FBXL17: variants seen among roughly 807,000 people sequenced by gnomAD.
FBXL17 encodes the protein F-box and leucine rich repeat protein 17.
In FBXL17, 22 loss-of-function variants were observed where a neutral mutation model predicts 66.2. The observed-to-expected ratio is 0.33, with a 90% CI of 0.24 to 0.47. The LOEUF (loss-of-function observed/expected upper bound fraction) is 0.47, where lower values mean the gene tolerates loss of function less well. FBXL17 is among the 20% of genes least tolerant of loss of function. The pLI, the probability that FBXL17 is intolerant of heterozygous loss-of-function variation, is 1.00. For missense variants in FBXL17, 878 were observed against 948.2 expected, an observed-to-expected ratio of 0.93 and a Z score of 0.97; for synonymous variants, 474 against 400.5, an observed-to-expected ratio of 1.18 and a Z score of -2.19.
chr5:108,229,044 C>T (rs962829989), intron 4 of FBXL17, among the ~76,000 whole-genome samples: 2 of 152,118 alleles, frequency 1.3e-5, no homozygotes, highest in East Asian at 1.9e-4. Context: ...GCAGCACTGA[C>T]GTCACTTTGG....
At chr5:107,871,472 T>A (rs1237113614) in intron 8 of FBXL17, among the ~76,000 whole-genome samples, 1 of 151,926 alleles carries the variant, frequency 6.6e-6, no homozygotes, top group Non-Finnish European at 1.5e-5. Flanking sequence ...GAGAGAAAAA[T>A]TAGTGACATT....
intron 6 of FBXL17, among the ~76,000 whole-genome samples, chr5:108,160,050 T>C (rs1233749911): frequency 6.6e-6 from 1 of 152,170 alleles, no homozygotes; most frequent in Admixed American, 6.5e-5. Flanking sequence ...CTCAACAGAT[T>C]ATTTTGCTTT....
intron 6 of FBXL17, among the ~76,000 whole-genome samples, chr5:108,107,531 G>C (rs971360191): frequency 6.6e-6 from 1 of 151,852 alleles, no homozygotes; most frequent in Non-Finnish European, 1.5e-5. Flanking sequence ...GAGAAATCTC[G>C]GCCAGGCACG....
At position 108,208,310 on chromosome 5, in the gene FBXL17, G is replaced by A. The variant is rs183873941; in HGVS notation, c.1614+15811C>T. On this transcript the variant is annotated intron_variant, in intron 5 of 8. Coordinates refer to ENST00000542267, the MANE Select transcript of FBXL17 (RefSeq NM_001163315.3). The stretch of plus-strand genomic sequence containing the variant: ...TCTTTCACTGTGCAGAAGCTCTTTA[G>A]TTTAATTAAATCCCATTTGTCTATT... 5.0e-3 allele frequency among the ~76,000 whole-genome samples: 768 copies of A among 152,278 alleles called. 4 individuals carry two copies. The highest frequency in any genetic ancestry group is 0.016 in the South Asian group (78 of 4,824).
intron 4 of FBXL17, among the ~76,000 whole-genome samples, chr5:108,247,785 A>G (rs1455635968): frequency 2.6e-5 from 4 of 152,172 alleles, no homozygotes; most frequent in African/African-American, 9.7e-5. Context: ...CATCTACATG[A>G]TACTTGTGAG....
intron 5 of FBXL17, among the ~76,000 whole-genome samples, chr5:108,197,325 G>C (rs890471919): frequency 6.6e-6 from 1 of 152,118 alleles, no homozygotes; most frequent in East Asian, 1.9e-4. Flanking sequence ...GGTAAATTAA[G>C]TCAAATGTGA....
chr5:108,043,835 C>T (rs1747142219), intron 6 of FBXL17, among the ~76,000 whole-genome samples: 1 of 152,160 alleles, frequency 6.6e-6, no homozygotes, highest in South Asian at 2.1e-4. Context: ...GGCTTCCAAT[C>T]CATCAGCAAA....
At chr5:108,319,898 A>T (rs1385731162) in intron 4 of FBXL17, among the ~76,000 whole-genome samples, 2 of 151,784 alleles carry the variant, frequency 1.3e-5, no homozygotes, top group African/African-American at 4.8e-5. Flanking sequence ...AAATAAACTT[A>T]TCAAAATATG....
chr5:107,994,135 A>G (rs1263767975), intron 7 of FBXL17, among the ~76,000 whole-genome samples: 1 of 152,190 alleles, frequency 6.6e-6, no homozygotes, highest in Admixed American at 6.5e-5. Context: ...ATACATATTG[A>G]TTCATAAAGC....
chr5:108,092,711 C>A (rs1043644602), intron 6 of FBXL17, among the ~76,000 whole-genome samples: 1 of 152,024 alleles, frequency 6.6e-6, no homozygotes, highest in African/African-American at 2.4e-5. Flanking sequence ...ATGCTTTCCC[C>A]AAAATGAGAA....
intron 6 of FBXL17, among the ~76,000 whole-genome samples, chr5:108,132,771 T>C (rs1393914208): frequency 6.6e-6 from 1 of 152,146 alleles, no homozygotes; most frequent in Non-Finnish European, 1.5e-5. Flanking sequence ...CAAAGAAGTA[T>C]CTGATTTCCC....
At chr5:108,047,921 C>T (rs1218748717) in intron 6 of FBXL17, among the ~76,000 whole-genome samples, 1 of 152,212 alleles carries the variant, frequency 6.6e-6, no homozygotes, top group Non-Finnish European at 1.5e-5. Context: ...CAGCGAAGCA[C>T]ACCCCTCCAC....
chr5:108,378,667 A>T (rs1749619586), intron 1 of FBXL17, among the ~76,000 whole-genome samples: 1 of 152,202 alleles, frequency 6.6e-6, no homozygotes. Context: ...GACATTCCTT[A>T]GAAATATCTC....
At chr5:107,924,456 A>T (rs900426220) in intron 7 of FBXL17, among the ~76,000 whole-genome samples, 1 of 152,180 alleles carries the variant, frequency 6.6e-6, no homozygotes, top group Non-Finnish European at 1.5e-5. Flanking sequence ...CTTCATGTCA[A>T]ATTAATCATC....
In FBXL17 at chr5:108,186,553, C is replaced by T. The variant is rs553793633; in HGVS notation, c.1615-306G>A. On this transcript the variant is annotated intron_variant, in intron 5 of 8. Transcript: ENST00000542267. ...TTGGGAAGCTGAGGCGGGTGGATCA[C>T]GAGGTAAGGAGATCAAGACCATCTT... 3.9e-5 allele frequency among the ~76,000 whole-genome samples: 6 copies of T among 151,934 alleles called. No homozygotes were observed. The South Asian group carries it at 8.3e-4, about 21-fold the overall frequency.
chr5:107,985,495 TTCTC>T (rs1316974578), intron 7 of FBXL17, among the ~76,000 whole-genome samples: 1 of 152,224 alleles, frequency 6.6e-6, no homozygotes, highest in African/African-American at 2.4e-5. Flanking sequence ...TTGATATCTA[TTCTC>T]TCTATGCCTA....
intron 6 of FBXL17, among the ~76,000 whole-genome samples, chr5:108,123,127 G>A (rs1348229753): frequency 1.3e-5 from 2 of 150,024 alleles, no homozygotes; most frequent in African/African-American, 4.9e-5. Flanking sequence ...GTGTGATGGT[G>A]GTTGTGCATG....
intron 4 of FBXL17, among the ~76,000 whole-genome samples, chr5:108,232,711 T>G (rs1233819350): frequency 6.8e-6 from 1 of 147,468 alleles, no homozygotes; most frequent in Non-Finnish European, 1.5e-5. Context: ...TGGCTCTCCT[T>G]GCTCCTCAGC....
intron 7 of FBXL17, among the ~76,000 whole-genome samples, chr5:107,969,563 G>A (rs1752290956): frequency 6.6e-6 from 1 of 152,066 alleles, no homozygotes; most frequent in Non-Finnish European, 1.5e-5. Flanking sequence ...CAATTCAGAT[G>A]CCCTTGTTAA....
Sources: gnomAD v4.1 joint callset for allele counts (sites outside exome capture counted in the v4.1 genomes callset) on GRCh38, gnomAD v4.1.1 for gene constraint, MANE v1.5 for transcripts, NCBI Gene and HGNC (gene_info 2026-07-23, HGNC 2026-07-21) for gene names.